The following KNTC1 variants were observed in gnomAD, a reference collection of about 807,000 sequenced individuals.
The protein encoded by KNTC1 is kinetochore associated 1.
Under a neutral mutation model 314.4 loss-of-function variants are expected in KNTC1, and 253 were observed. That is an observed-to-expected ratio of 0.80 (90% CI 0.73 to 0.89). KNTC1 has a LOEUF of 0.89. Among genes scored for constraint, KNTC1 ranks in the 40% least tolerant of loss-of-function variants. The pLI, the probability that KNTC1 is intolerant of heterozygous loss-of-function variation, is 0.00. For missense variants in KNTC1, 2,475 were observed against 2,572.9 expected (o/e 0.96, Z 0.82); for synonymous variants, 901 against 901.4 (o/e 1.00, Z 0.01).
At chr12:122,610,085 G>T (rs1442490378) in intron 52 of KNTC1, among the ~76,000 whole-genome samples, 1 of 152,222 alleles carries the variant, frequency 6.6e-6, no homozygotes, top group Non-Finnish European at 1.5e-5. Flanking sequence ...GATGTGGAAA[G>T]ACAACCCCAA....
chr12:122,601,879 A>C, intron 45 of KNTC1: 1 of 288,610 alleles, frequency 3.5e-6, no homozygotes, highest in East Asian at 1.0e-4. Context: ...CCTGCTGTCG[A>C]AGAGTATGAA....
In KNTC1 at chr12:122,546,637, A is replaced by G. The variant is rs778371644; in HGVS notation, c.779A>G (p.Gln260Arg). The change falls in exon 10 of 64, where the codon CAG becomes CGG. Residue 260 changes from glutamine to arginine, a missense_variant. Physicochemically the swap from Gln to Arg is conservative, Grantham distance 43. Coordinates refer to ENST00000333479, the MANE Select transcript of KNTC1 (RefSeq NM_014708.6). ...AEIIKGAKKF[Q>R]LIDNLLFVLD... ...TCTTTTGTAGGTGCAAAGAAGTTCC[A>G]GCTGATAGACAATCTACTTTTTGTT... 26 of 1,588,602 alleles carry G rather than the reference A, an allele frequency of 1.6e-5. No homozygotes were observed. Among genetic ancestry groups the G allele is most frequent in the Non-Finnish European group, 2.2e-5 (26 of 1,163,358 alleles).
chr12:122,556,917 CTTTT>C (rs35101646), intron 16 of KNTC1, among the ~76,000 whole-genome samples: 2 of 88,286 alleles, frequency 2.3e-5, no homozygotes, highest in East Asian at 3.3e-4. Flanking sequence ...AATTTTCCCT[CTTTT>C]TTTTTTTTTT....
At chr12:122,540,178 T>G (rs1216440920) in intron 5 of KNTC1, among the ~76,000 whole-genome samples, 1 of 151,114 alleles carries the variant, frequency 6.6e-6, no homozygotes, top group Admixed American at 6.6e-5. Context: ...TTTTTCTGTT[T>G]TTTTTTTTTT....
Position 122,582,810 on chromosome 12 carries a change from C to T in KNTC1, c.3088C>T (p.His1030Tyr). 1 of 1,612,340 alleles carries T rather than the reference C, an allele frequency of 6.2e-7. No homozygotes were observed. Among genetic ancestry groups the T allele is most frequent in the African/African-American group, 1.3e-5 (1 of 74,956 alleles). ...AGCTCACGAAGTTGCACAGGCGAAA[C>T]ACAAACCTGGGAGCACCCCAGAGCC... ...IKAHEVAQAK[H>Y]KPGSTPEPIA... is the part of the protein sequence containing the mutation. The change falls in exon 34 of 64, where the codon CAC (histidine) becomes TAC (tyrosine). Residue 1030 changes from histidine (H) to tyrosine (Y), a missense_variant. His to Tyr is a moderately conservative substitution (Grantham distance 83). Coordinates refer to ENST00000333479, the MANE Select transcript of KNTC1 (RefSeq NM_014708.6).
rs767384290 is a variant in KNTC1, at chr12:122,574,335, G to A, written c.2337G>A (p.Trp779Ter). The change falls in exon 27 of 64, where the codon TGG becomes TGA. Residue 779 changes from tryptophan to a stop codon, truncating the protein, a stop_gained. Transcript: ENST00000333479. LOFTEE classifies it high-confidence loss of function. ...CCACATCACTCTTTGAAACAGCATG[G>A]GAAGCAAAGGCCATGGCAGTAATAG... ...SKSTSLFETA[W>*]EAKAMAVIAC... is the part of the protein sequence containing the mutation. 5 of 1,612,088 alleles carry A rather than the reference G, an allele frequency of 3.1e-6. No homozygotes were observed. Among genetic ancestry groups the A allele is most frequent in the Non-Finnish European group, 2.5e-6 (3 of 1,178,818 alleles).
chr12:122,531,161 CT>C (rs376418570), intron 2 of KNTC1, among the ~76,000 whole-genome samples: 7 of 148,038 alleles, frequency 4.7e-5, no homozygotes, highest in Non-Finnish European at 6.0e-5. Context: ...ATGCTTTTGA[CT>C]TTTTTTTTTA....
At chr12:122,553,275 A>G (rs554960687) in intron 16 of KNTC1, among the ~76,000 whole-genome samples, 2 of 152,254 alleles carry the variant, frequency 1.3e-5, no homozygotes, top group Admixed American at 6.5e-5. Flanking sequence ...AAGCATACAC[A>G]TTGGGTGACG....
chr12:122,590,786 G>T, intron 41 of KNTC1, 51 bp downstream of exon 41: 1 of 1,555,832 alleles, frequency 6.4e-7, no homozygotes, highest in Non-Finnish European at 8.7e-7. Flanking sequence ...CAAGATTGGG[G>T]GGGAGAAATG....
intron 1 of KNTC1, among the ~76,000 whole-genome samples, chr12:122,528,238 C>A (rs1960939232): frequency 6.6e-6 from 1 of 151,206 alleles, no homozygotes; most frequent in South Asian, 2.1e-4. Context: ...CAACCTGTCC[C>A]TCCTTCTTCA....
intron 16 of KNTC1, among the ~76,000 whole-genome samples, chr12:122,552,718 G>T (rs1030693174): frequency 6.6e-6 from 1 of 152,138 alleles, no homozygotes; most frequent in African/African-American, 2.4e-5. Context: ...TTTTAAGCAG[G>T]AGAGTATCTT....
chr12:122,583,731 C>T (rs1009694926), intron 34 of KNTC1, among the ~76,000 whole-genome samples: 1 of 152,064 alleles, frequency 6.6e-6, no homozygotes, highest in Non-Finnish European at 1.5e-5. Flanking sequence ...GAGGCTGAGG[C>T]AGGAGAATCG....
At position 122,573,037 on chromosome 12, in the gene KNTC1, C is replaced by A; in HGVS notation, c.2120C>A (p.Ala707Asp). 6.2e-7 allele frequency: 1 copy of A among 1,611,782 alleles called. No individual in the cohort carries two copies. The highest frequency in any genetic ancestry group is 8.5e-7 in the Non-Finnish European group (1 of 1,178,746). Reference sequence around the variant, plus strand: ...CATAGGAAGTACAACTGCAAATTAGCCCTCTCTGATTTTGAGAAGGTAAAG... The same window carrying A: ...CATAGGAAGTACAACTGCAAATTAGACCTCTCTGATTTTGAGAAGGTAAAG... ...TLHRKYNCKL[A>D]LSDFEKENTT... The change falls in exon 25 of 64, where the codon GCC (alanine) becomes GAC (aspartate). Residue 707 changes from alanine to aspartate, a missense_variant. By Grantham distance (126) the Ala-to-Asp change is moderately radical. Coordinates refer to ENST00000333479, the MANE Select transcript of KNTC1 (RefSeq NM_014708.6).
In KNTC1 at chr12:122,547,528, G is replaced by A. The variant is rs1219776941; in HGVS notation, c.930G>A (p.Thr310=). ...AAGCAGACTCTCCTTCATCAGTCACGTGGTATGTTATGACTATGGCTAGTA... is the reference window on the plus strand; with the variant it reads ...AAGCAGACTCTCCTTCATCAGTCACATGGTATGTTATGACTATGGCTAGTA... The part of the protein sequence containing the change: ...TTEADSPSSV[T]WQGITNLKLI... The change falls in exon 11 of 64, where the codon ACG becomes ACA. Residue 310 remains threonine, a splice_region_variant and synonymous_variant. Coordinates refer to ENST00000333479, the MANE Select transcript of KNTC1 (RefSeq NM_014708.6). The A allele has an allele frequency of 3.0e-5, 47 of 1,583,558 alleles. No homozygotes were observed. Among genetic ancestry groups the A allele is most frequent in the Non-Finnish European group, 3.9e-5 (45 of 1,153,504 alleles).
chr12:122,603,637 TGC>T (rs1298115999), intron 48 of KNTC1, among the ~76,000 whole-genome samples: 1 of 151,848 alleles, frequency 6.6e-6, no homozygotes, highest in Non-Finnish European at 1.5e-5. Flanking sequence ...GGACTACAGG[TGC>T]GCGCCATCAT....
At chr12:122,613,588 C>G (rs1275564781) in intron 54 of KNTC1, 38 bp from the exon 55 acceptor site, 3 of 1,550,472 alleles carry the variant, frequency 1.9e-6, no homozygotes, top group South Asian at 2.5e-5. Context: ...TAAATGTGGC[C>G]TATGAGAATG....
chr12:122,544,831 G>A (rs965756917), intron 8 of KNTC1, among the ~76,000 whole-genome samples: 3 of 152,276 alleles, frequency 2.0e-5, no homozygotes, highest in Middle Eastern at 3.4e-3. Context: ...TCACAAATCC[G>A]TTGAATCTTG....
chr12:122,578,187 A>T (rs1965157118), intron 31 of KNTC1, among the ~76,000 whole-genome samples: 1 of 152,216 alleles, frequency 6.6e-6, no homozygotes, highest in South Asian at 2.1e-4. Flanking sequence ...AAATGGTTTT[A>T]AGAGAGTTTA....
chr12:122,599,027 A>G (rs915178053), intron 44 of KNTC1, among the ~76,000 whole-genome samples: 1 of 152,226 alleles, frequency 6.6e-6, no homozygotes, highest in Admixed American at 6.5e-5. Context: ...TTTTTTGTGC[A>G]GATGAATCTC....
Sources: gnomAD v4.1 joint callset for allele counts (sites outside exome capture counted in the v4.1 genomes callset) on GRCh38, gnomAD v4.1.1 for gene constraint, MANE v1.5 for transcripts, NCBI Gene and HGNC (gene_info 2026-07-23, HGNC 2026-07-21) for gene names.